The following USP9X variants were observed in gnomAD, a reference collection of about 807,000 sequenced individuals.
USP9X encodes the protein ubiquitin carboxyl-terminal hydrolase 9X.
In USP9X, 7 loss-of-function variants were observed where a neutral mutation model predicts 190.3. The observed-to-expected ratio is 0.04, with a 90% CI of 0.02 to 0.07. The LOEUF is 0.07. Ranked by LOEUF, USP9X falls within the 10% of genes least tolerant of loss-of-function variation. The pLI, the probability that USP9X is intolerant of heterozygous loss-of-function variation, is 1.00. For missense variants in USP9X, 1,010 were observed against 1,916.9 expected (o/e 0.53, Z 8.83); for synonymous variants, 645 against 659.5 (o/e 0.98, Z 0.34).
chrX:41,198,797 A>G (rs1033644109), intron 30 of USP9X, 47 bp downstream of exon 30: 6 of 1,071,609 alleles, frequency 5.6e-6, no homozygotes, highest in Non-Finnish European at 7.5e-6. Flanking sequence ...TCAATGTTTC[A>G]AAGTTGTTTT....
At chrX:41,098,509 A>G (rs917769860) in intron 1 of USP9X, among the ~76,000 whole-genome samples, 1 of 108,133 alleles carries the variant, frequency 9.2e-6, no homozygotes, top group African/African-American at 3.4e-5. Flanking sequence ...TACACTATAT[A>G]CTCCTGTATC....
chrX:41,162,978 A>G (rs1388200390), intron 15 of USP9X, 101 bp downstream of exon 15: 4 of 486,084 alleles, frequency 8.2e-6, no homozygotes, highest in Non-Finnish European at 9.5e-6. Flanking sequence ...GCCTTTTCCC[A>G]AGTCCCCAAG....
intron 18 of USP9X, among the ~76,000 whole-genome samples, chrX:41,168,563 G>A (rs772139875): frequency 1.8e-5 from 2 of 112,416 alleles, no homozygotes; most frequent in Non-Finnish European, 3.8e-5. Context: ...CTGGAATGCC[G>A]AGGTGTAATC....
intron 1 of USP9X, among the ~76,000 whole-genome samples, chrX:41,113,806 G>A (rs1034432365): frequency 1.8e-5 from 2 of 110,936 alleles, no homozygotes. Flanking sequence ...TGTCATGAAC[G>A]CGTAAAATAC....
chrX:41,117,398 T>C (rs1046114256), intron 1 of USP9X, among the ~76,000 whole-genome samples: 4 of 111,472 alleles, frequency 3.6e-5, no homozygotes, highest in Non-Finnish European at 5.6e-5. Flanking sequence ...TGAATTCATA[T>C]AGATGGAAGG....
intron 4 of USP9X, 143 bp downstream of exon 4, chrX:41,131,679 A>C (rs773420858): frequency 1.5e-5 from 6 of 402,030 alleles, no homozygotes; most frequent in Non-Finnish European, 2.5e-5. Flanking sequence ...TATCCTTTGG[A>C]CATTCTTAAA....
At chrX:41,219,272 A>G (rs369599376) in intron 38 of USP9X, 41 bp downstream of exon 38, 135 of 1,159,357 alleles carry the variant, frequency 1.2e-4, no homozygotes, top group Non-Finnish European at 1.5e-4. Flanking sequence ...TTGATGTATC[A>G]TATTAAATTG....
At chrX:41,153,214 A>G in intron 14 of USP9X, 133 bp downstream of exon 14, 1 of 628,813 alleles carries the variant, frequency 1.6e-6, no homozygotes, top group Non-Finnish European at 2.2e-6. Context: ...TAGACATCCT[A>G]AACTCTAGGC....
At position 41,132,906 on chromosome X, in the gene USP9X, T is replaced by C. The variant is rs2062336307; in HGVS notation, c.322+1370T>C. 3.6e-5 allele frequency among the ~76,000 whole-genome samples: 4 copies of C among 112,059 alleles called. No individual in the cohort carries two copies. In the South Asian group the frequency reaches 1.5e-3, roughly 41 times the overall value. On this transcript the variant is annotated intron_variant, in intron 4 of 44. Coordinates refer to ENST00000378308, the MANE Select transcript of USP9X (RefSeq NM_001039591.3). ...CTTAATGCTGGAATTAATCTTTTTT[T>C]TCCCCCAATGACTTTGGTCTACTTT... is the stretch of plus-strand genomic sequence containing the variant.
At chrX:41,154,600 G>A (rs1261691064) in intron 14 of USP9X, among the ~76,000 whole-genome samples, 1 of 111,438 alleles carries the variant, frequency 9.0e-6, no homozygotes, top group East Asian at 2.8e-4. Context: ...TCTCAACTTC[G>A]TTATCACAGG....
Position 41,163,786 on chromosome X carries a change from A to G in USP9X, c.1985+909A>G, listed in dbSNP as rs1005352507. ...AAATGAGAGGTTCCTTTTGAATTCA[A>G]AAAACCACATGTAGCAAAAGAGCTT... On this transcript the variant is annotated intron_variant, in intron 15 of 44. Transcript: ENST00000378308. 3.6e-5 allele frequency among the ~76,000 whole-genome samples: 4 copies of G among 111,232 alleles called. No individual in the cohort carries two copies. The East Asian group carries it at 1.1e-3, about 31-fold the overall frequency.
intron 26 of USP9X, among the ~76,000 whole-genome samples, chrX:41,192,452 C>T (rs1347879328): frequency 8.9e-6 from 1 of 111,872 alleles, no homozygotes; most frequent in Non-Finnish European, 1.9e-5. Flanking sequence ...TTTCCACAGC[C>T]TGTTGTTTTA....
chrX:41,144,767 T>C, intron 11 of USP9X, 141 bp downstream of exon 11: 1 of 459,505 alleles, frequency 2.2e-6, no homozygotes, highest in Non-Finnish European at 3.5e-6. Context: ...TGGCCCATTG[T>C]TTTCTTTTCC....
intron 1 of USP9X, among the ~76,000 whole-genome samples, chrX:41,097,744 G>A (rs2062002717): frequency 9.0e-6 from 1 of 111,456 alleles, no homozygotes; most frequent in South Asian, 3.7e-4. Flanking sequence ...TCAATCTATT[G>A]CGATATAATA....
At chrX:41,223,755 A>G (rs1225542980) in intron 39 of USP9X, among the ~76,000 whole-genome samples, 1 of 111,787 alleles carries the variant, frequency 8.9e-6, no homozygotes, top group Non-Finnish European at 1.9e-5. Context: ...GGTAGTTTTT[A>G]AATGCTGCTG....
At chrX:41,140,577 A>G in intron 6 of USP9X, 79 bp from the exon 7 acceptor site, 1 of 639,864 alleles carries the variant, frequency 1.6e-6, no homozygotes, top group Non-Finnish European at 2.4e-6. Context: ...TATTTCTAGT[A>G]TATTTCAATA....
In USP9X at chrX:41,141,048, T is replaced by G. The variant is rs2062418335; in HGVS notation, c.853T>G (p.Phe285Val). ...TCCAATAATAGAAATGGTTCCACAG[T>G]TTTTAGAAAACTTAACTGATGAAGA... is the stretch of plus-strand genomic sequence containing the variant. Reference protein sequence around the residue: ...FLPIIEMVPQFLENLTDEELK... With the variant: ...FLPIIEMVPQVLENLTDEELK... Residue 285 changes from phenylalanine to valine, a missense_variant, in exon 8 of 45, where the codon TTT (phenylalanine) becomes GTT (valine). By Grantham distance (50) the Phe-to-Val change is conservative. Coordinates refer to ENST00000378308, the MANE Select transcript of USP9X (RefSeq NM_001039591.3). 8.3e-7 allele frequency: 1 copy of G among 1,205,338 alleles called. No individual in the cohort carries two copies. The highest frequency in any genetic ancestry group is 1.1e-6 in the Non-Finnish European group (1 of 893,006).
chrX:41,110,525 T>C (rs1385169246), intron 1 of USP9X, among the ~76,000 whole-genome samples: 1 of 111,610 alleles, frequency 9.0e-6, no homozygotes, highest in Non-Finnish European at 1.9e-5. Flanking sequence ...CTGTCTGAGT[T>C]TGAATCCTGG....
At position 41,229,389 on chromosome X, in the gene USP9X, G is replaced by T; in HGVS notation, c.7198G>T (p.Val2400Phe). The change falls in exon 42 of 45, where the codon GTT (valine) becomes TTT (phenylalanine). Residue 2400 changes from valine to phenylalanine, a missense_variant. Around this residue, in one of 11 missense-constraint regions of USP9X, gnomAD observed 20 missense variants for 59.3 expected, o/e 0.34. Coordinates refer to ENST00000378308, the MANE Select transcript of USP9X (RefSeq NM_001039591.3). The stretch of plus-strand genomic sequence containing the variant: ...GGTAGCTCTATTTAGTAACTGTCCT[G>T]TTGCTTACCAAATCCTGCAGGTGAG... ...CMVALFSNCP[V>F]AYQILQGNGD... 8.5e-7 allele frequency: 1 copy of T among 1,180,535 alleles called. No individual in the cohort carries two copies. Among genetic ancestry groups the T allele is most frequent in the Non-Finnish European group, 1.1e-6 (1 of 884,306 alleles).
Sources: gnomAD v4.1 joint callset for allele counts (sites outside exome capture counted in the v4.1 genomes callset) on GRCh38, gnomAD v4.1.1 for gene constraint, gnomAD v4.1.1 regional missense constraint, MANE v1.5 for transcripts, NCBI Gene and HGNC (gene_info 2026-07-23, HGNC 2026-07-21) for gene names.